GLIS3: variants seen among roughly 807,000 people sequenced by gnomAD.
GLIS3 encodes the protein zinc finger protein GLIS3.
A neutral mutation model predicts 78.6 loss-of-function variants in GLIS3; 53 were observed. That is an observed-to-expected ratio of 0.67 (90% confidence interval 0.54 to 0.85). The LOEUF is 0.85. GLIS3 is among the 40% of genes least tolerant of loss of function. The pLI is 0.00. For missense variants in GLIS3, 1,703 were observed against 1,231.1 expected, an observed-to-expected ratio of 1.38 and a Z score of -5.74; for synonymous variants, 684 against 509.9, an observed-to-expected ratio of 1.34 and a Z score of -4.60.
intron 4 of GLIS3, among the ~76,000 whole-genome samples, chr9:4,070,552 G>C (rs983697315): frequency 6.6e-6 from 1 of 152,106 alleles, no homozygotes; most frequent in African/African-American, 2.4e-5. Context: ...GTGTGAGAGA[G>C]AGAGATGCAG....
At chr9:4,257,934 C>A (rs905912840) in intron 2 of GLIS3, among the ~76,000 whole-genome samples, 5 of 151,920 alleles carry the variant, frequency 3.3e-5, no homozygotes, top group African/African-American at 4.8e-5. Context: ...GTATATACAA[C>A]AAAAAATACA....
intron 3 of GLIS3, among the ~76,000 whole-genome samples, chr9:4,120,758 C>T (rs1359866938): frequency 1.3e-5 from 2 of 152,246 alleles, no homozygotes; most frequent in Non-Finnish European, 2.9e-5. Flanking sequence ...GATGCACATT[C>T]TCAGGTGCTA....
At chr9:3,934,339 T>C in intron 5 of GLIS3, among the ~76,000 whole-genome samples, 1 of 152,134 alleles carries the variant, frequency 6.6e-6, no homozygotes. Flanking sequence ...TATTAACAAA[T>C]TATATAAATT....
At chr9:4,437,264 G>A in the GLIS3 span, among the ~76,000 whole-genome samples, 1 of 152,070 alleles carries the variant, frequency 6.6e-6, no homozygotes, top group African/African-American at 2.4e-5. Flanking sequence ...TGAGGGTCTT[G>A]GATTCATTAT....
At chr9:4,019,534 T>G (rs1822703842) in intron 4 of GLIS3, among the ~76,000 whole-genome samples, 1 of 152,168 alleles carries the variant, frequency 6.6e-6, no homozygotes, top group Non-Finnish European at 1.5e-5. Flanking sequence ...CGAAGACTTC[T>G]GCTCTCAGAG....
chr9:4,118,651 G>T lies in GLIS3; in HGVS notation c.827C>A (p.Thr276Lys). 6.2e-7 allele frequency: 1 copy of T among 1,614,110 alleles called. No individual in the cohort carries two copies. The highest frequency in any genetic ancestry group is 8.5e-7 in the Non-Finnish European group (1 of 1,179,994). The change falls in exon 4 of 11, where the codon ACG becomes AAG. Residue 276 changes from threonine to lysine, a missense_variant. Transcript: ENST00000381971. The surrounding 1 kb of genome is among the most constrained non-coding windows in gnomAD (Gnocchi z 4.7). ...AGGGTAAGGAGAGTGGCTACTTTCC[G>T]TGCCAAAAAGGTAGGATGGTAATGA... The part of the protein sequence containing the change: ...SNSLPSYLFG[T>K]ESSHSPYPSP...
the GLIS3 span, among the ~76,000 whole-genome samples, chr9:4,391,562 T>G: frequency 6.6e-6 from 1 of 151,924 alleles, no homozygotes; most frequent in Non-Finnish European, 1.5e-5. Context: ...TGTGTGTGTG[T>G]GTGTGTGTGT....
At chr9:4,292,561 G>C (rs887099832) in intron 1 of GLIS3, among the ~76,000 whole-genome samples, 2 of 151,976 alleles carry the variant, frequency 1.3e-5, no homozygotes, top group South Asian at 2.1e-4. Context: ...AAGATCTAAG[G>C]GTTTGACATT....
intron 4 of GLIS3, among the ~76,000 whole-genome samples, chr9:4,016,606 G>C (rs190804497): frequency 6.6e-6 from 1 of 152,262 alleles, no homozygotes; most frequent in African/African-American, 2.4e-5. Flanking sequence ...TTCTGAGCTT[G>C]TTTGCAATAA....
intron 2 of GLIS3, among the ~76,000 whole-genome samples, chr9:4,178,237 C>G (rs983598034): frequency 6.6e-5 from 10 of 152,160 alleles, no homozygotes; most frequent in South Asian, 6.2e-4. Flanking sequence ...TAAGACAGCC[C>G]TGCCCCCAAA....
chr9:4,352,752 C>A (rs563677064), upstream of GLIS3, among the ~76,000 whole-genome samples: 1 of 152,318 alleles, frequency 6.6e-6, no homozygotes, highest in East Asian at 1.9e-4. Context: ...CTCTTGGCAA[C>A]AATACTTGGA....
intron 2 of GLIS3, among the ~76,000 whole-genome samples, chr9:4,248,230 C>A (rs868175069): frequency 1.6e-5 from 2 of 126,670 alleles, no homozygotes; most frequent in East Asian, 3.3e-4. Flanking sequence ...TAATGTTATC[C>A]TTCCCCCAGC....
At chr9:4,351,579 GT>G (rs1817971987), upstream of GLIS3, among the ~76,000 whole-genome samples, 1 of 151,940 alleles carries the variant, frequency 6.6e-6, no homozygotes. Flanking sequence ...CCATTTAATT[GT>G]TCAGATTTAG....
At chr9:4,137,741 C>G (rs1833505487) in intron 2 of GLIS3, among the ~76,000 whole-genome samples, 1 of 152,204 alleles carries the variant, frequency 6.6e-6, no homozygotes, top group East Asian at 1.9e-4. Flanking sequence ...ATGCTGACCC[C>G]TCTGTTCTCT....
At chr9:4,246,128 G>C (rs1212076244) in intron 2 of GLIS3, among the ~76,000 whole-genome samples, 8 of 152,136 alleles carry the variant, frequency 5.3e-5, no homozygotes, top group Non-Finnish European at 1.2e-4. Flanking sequence ...TGTAATCCCA[G>C]CACTTTGGGA....
At chr9:4,320,024 T>C (rs1032781582) in intron 2 of GLIS3, among the ~76,000 whole-genome samples, 6,924 of 55,010 alleles carry the variant, frequency 0.13, 500 homozygotes, top group African/African-American at 0.26. Context: ...TGTGTGTGTG[T>C]GCGCGCGCAC....
rs1164009034 is a variant in GLIS3, at chr9:4,064,188, T to G, written c.1710+53580A>C. Among the ~76,000 whole-genome samples the G allele has an allele frequency of 2.0e-5, 3 of 152,086 alleles. No homozygotes were observed. In the East Asian group the frequency reaches 5.8e-4, roughly 29 times the overall value. The stretch of plus-strand genomic sequence containing the variant: ...AATTATGCTGAGAAAACCTATTTAC[T>G]GAGGAAAAAATCTAGATTCATACCT... On this transcript the variant is annotated intron_variant, in intron 4 of 10. Coordinates refer to ENST00000381971, the MANE Select transcript of GLIS3 (RefSeq NM_001042413.2).
chr9:4,120,256 C>T (rs1318381570), intron 3 of GLIS3, among the ~76,000 whole-genome samples: 1 of 152,152 alleles, frequency 6.6e-6, no homozygotes, highest in African/African-American at 2.4e-5. Flanking sequence ...ATGATATTAG[C>T]AAGAAAAACA....
At chr9:4,304,972 C>A (rs1817192032), upstream of GLIS3, among the ~76,000 whole-genome samples, 1 of 152,170 alleles carries the variant, frequency 6.6e-6, no homozygotes, top group Non-Finnish European at 1.5e-5. Context: ...AGCAGACCTG[C>A]CCCGGGTAAG....
Sources: allele counts gnomAD v4.1 joint callset (sites outside exome capture counted in the v4.1 genomes callset), GRCh38; gene constraint gnomAD v4.1.1; non-coding constraint Gnocchi (gnomAD v3.1); transcripts MANE v1.5; gene names NCBI Gene and HGNC (gene_info 2026-07-23, HGNC 2026-07-21).